Variants in IMMP2L observed in about 807,000 individuals in gnomAD.
The protein encoded by IMMP2L is mitochondrial inner membrane protease subunit 2.
In IMMP2L, 18 loss-of-function variants were observed where a neutral mutation model predicts 19.3. The ratio of observed to expected loss-of-function variants is 0.93; its 90% CI spans 0.64 to 1.38. The LOEUF is 1.38. Among genes scored for constraint, IMMP2L ranks in the 40% most tolerant of loss-of-function variants. The pLI is 0.00. For synonymous variants in IMMP2L, 76 were observed against 73.0 expected (o/e 1.04, Z -0.21); for missense variants, 233 against 218.2 (o/e 1.07, Z -0.43).
chr7:111,202,101 T>G (rs1428036864), intron 3 of IMMP2L, among the ~76,000 whole-genome samples: 1 of 152,188 alleles, frequency 6.6e-6, no homozygotes, highest in African/African-American at 2.4e-5. Context: ...AGGTTCCTAG[T>G]GTTGTAATAA....
chr7:110,838,465 T>C (rs1230176471), intron 5 of IMMP2L, among the ~76,000 whole-genome samples: 10 of 152,072 alleles, frequency 6.6e-5, no homozygotes, highest in Non-Finnish European at 1.0e-4. Flanking sequence ...TACTGAAAGA[T>C]GGGGGCCTTA....
chr7:111,163,908 T>A (rs576289907), intron 3 of IMMP2L, among the ~76,000 whole-genome samples: 66 of 152,108 alleles, frequency 4.3e-4, no homozygotes, highest in African/African-American at 1.3e-3. Flanking sequence ...AAGACTAGAA[T>A]AGATGGGGAG....
At chr7:111,559,063 T>C (rs1460904220) in intron 1 of IMMP2L, among the ~76,000 whole-genome samples, 1 of 152,066 alleles carries the variant, frequency 6.6e-6, no homozygotes, top group African/African-American at 2.4e-5. Flanking sequence ...CGGTGGGCTG[T>C]CATTTGACTA....
At chr7:110,883,174 C>A (rs928539765) in intron 5 of IMMP2L, among the ~76,000 whole-genome samples, 3 of 152,026 alleles carry the variant, frequency 2.0e-5, no homozygotes, top group African/African-American at 4.8e-5. Context: ...CTTTACTTTT[C>A]TACTTTACTT....
At chr7:111,535,508 C>T (rs1847807570) in intron 1 of IMMP2L, among the ~76,000 whole-genome samples, 1 of 152,056 alleles carries the variant, frequency 6.6e-6, no homozygotes, top group Non-Finnish European at 1.5e-5. Flanking sequence ...ATGGTCTTTG[C>T]CCCATCGGAC....
intron 5 of IMMP2L, among the ~76,000 whole-genome samples, chr7:110,798,287 C>G (rs979257913): frequency 1.3e-5 from 2 of 151,808 alleles, no homozygotes; most frequent in Admixed American, 6.6e-5. Flanking sequence ...CAAAAATAAT[C>G]AACTAAGAGA....
At chr7:110,801,687 GT>G (rs1302773785) in intron 5 of IMMP2L, among the ~76,000 whole-genome samples, 2 of 152,074 alleles carry the variant, frequency 1.3e-5, no homozygotes, top group Non-Finnish European at 2.9e-5. Flanking sequence ...GTAGGTCATG[GT>G]TAGTCATTCA....
At chr7:111,142,340 A>AAAAGAAAG (rs1199789345) in intron 3 of IMMP2L, among the ~76,000 whole-genome samples, 4 of 16,334 alleles carry the variant, frequency 2.4e-4, no homozygotes, top group Non-Finnish European at 1.9e-3. Context: ...AAAAAAAAAA[A>AAAAGAAAG]AAAGAAAGAA....
At chr7:111,086,206 C>T (rs538799647) in intron 3 of IMMP2L, among the ~76,000 whole-genome samples, 25 of 149,792 alleles carry the variant, frequency 1.7e-4, no homozygotes, top group Admixed American at 2.7e-4. Context: ...GTGGAAGGTT[C>T]GCTTGAGAGC....
chr7:111,461,166 A>C (rs1245491726), intron 3 of IMMP2L, among the ~76,000 whole-genome samples: 1 of 152,074 alleles, frequency 6.6e-6, no homozygotes, highest in Non-Finnish European at 1.5e-5. Flanking sequence ...ATTAAACATA[A>C]GCCTTTCCAA....
intron 3 of IMMP2L, among the ~76,000 whole-genome samples, chr7:111,312,875 A>T (rs184704548): frequency 6.6e-6 from 1 of 152,170 alleles, no homozygotes; most frequent in African/African-American, 2.4e-5. Flanking sequence ...AAACTACTAT[A>T]GACATTTCCA....
chr7:110,723,284 C>T (rs10267171), intron 5 of IMMP2L, among the ~76,000 whole-genome samples: 116,063 of 152,006 alleles, frequency 0.76, 44,419 homozygotes, highest in East Asian at 0.82. Flanking sequence ...GCAAAGATGA[C>T]GACTAGAAGT....
At chr7:111,101,298 GA>G (rs1797947529) in intron 3 of IMMP2L, among the ~76,000 whole-genome samples, 2 of 151,404 alleles carry the variant, frequency 1.3e-5, no homozygotes, top group East Asian at 3.9e-4. Context: ...CCTAGTCATT[GA>G]ACAGAACCTT....
rs1049633411 is a variant in IMMP2L at position 111,126,585 on chromosome 7, A to G, written c.240-163020T>C. 3.9e-5 allele frequency among the ~76,000 whole-genome samples: 6 copies of G among 152,274 alleles called. No homozygotes were observed. In the South Asian group the frequency reaches 1.0e-3, roughly 26 times the overall value. ...GAAACCCACAGCTTAAAAGATTACA[A>G]ATCATTGAATTGAAGTGCCAAGTAC... On this transcript the variant is annotated intron_variant, in intron 3 of 5. Transcript: ENST00000405709.
At chr7:111,234,913 C>T (rs1172974405) in intron 3 of IMMP2L, among the ~76,000 whole-genome samples, 3 of 152,020 alleles carry the variant, frequency 2.0e-5, no homozygotes, top group Middle Eastern at 3.2e-3. Flanking sequence ...ACGAAGTCCA[C>T]AATATATTTT....
At chr7:111,453,029 T>G (rs142145322) in intron 3 of IMMP2L, among the ~76,000 whole-genome samples, 1 of 152,140 alleles carries the variant, frequency 6.6e-6, no homozygotes, top group Non-Finnish European at 1.5e-5. Flanking sequence ...TTTACCAGTA[T>G]CAAACTCCCC....
chr7:111,500,199 C>T (rs1054285845), intron 2 of IMMP2L, among the ~76,000 whole-genome samples: 2 of 152,108 alleles, frequency 1.3e-5, no homozygotes, highest in African/African-American at 2.4e-5. Flanking sequence ...CATGGAGTCT[C>T]GCTGATTGCT....
intron 5 of IMMP2L, among the ~76,000 whole-genome samples, chr7:110,732,455 G>A (rs943346245): frequency 4.6e-5 from 7 of 152,166 alleles, no homozygotes; most frequent in African/African-American, 1.7e-4. Context: ...AATTTGGCAT[G>A]TGAATTATGA....
chr7:111,181,742 C>G (rs1288475386), intron 3 of IMMP2L, among the ~76,000 whole-genome samples: 1 of 151,888 alleles, frequency 6.6e-6, no homozygotes, highest in Non-Finnish European at 1.5e-5. Context: ...CAAACAATAA[C>G]AAAAAGTTGA....
Sources: gnomAD v4.1 joint callset for allele counts (sites outside exome capture counted in the v4.1 genomes callset) on GRCh38, gnomAD v4.1.1 for gene constraint, MANE v1.5 for transcripts, NCBI Gene and HGNC (gene_info 2026-07-23, HGNC 2026-07-21) for gene names.